Variants in PRICKLE3 observed in about 807,000 individuals in gnomAD.
The protein encoded by PRICKLE3 is prickle planar cell polarity protein 3.
Under a neutral mutation model 33.8 loss-of-function variants are expected in PRICKLE3, and 17 were observed. The ratio of observed to expected loss-of-function variants is 0.50; its 90% CI spans 0.34 to 0.75. PRICKLE3 has a LOEUF of 0.75. Ranked by LOEUF, PRICKLE3 falls within the 30% of genes least tolerant of loss-of-function variation. The pLI, the probability that PRICKLE3 is intolerant of heterozygous loss-of-function variation, is 0.01. For missense variants in PRICKLE3, 573 were observed against 576.7 expected (o/e 0.99, Z 0.07); for synonymous variants, 211 against 219.6 (o/e 0.96, Z 0.34).
chrX:49,181,411 C>T (rs1905187511), intron 3 of PRICKLE3, among the ~76,000 whole-genome samples: 2 of 90,885 alleles, frequency 2.2e-5, no homozygotes, highest in South Asian at 1.1e-3. Context: ...TATATATACA[C>T]GTATAATTAT....
In PRICKLE3 at chrX:49,177,030, C is replaced by T. The variant is rs782099517; in HGVS notation, c.1128G>A (p.Gly376=). ...CGGCACTCCAGCTGCGGCGGCTCGG[C>T]CCTGGAGCTGTGGGCTCGGACCCAA... ...CSLGSEPTAP[G]PSRRSWSAGP... is the part of the protein sequence containing the mutation. Residue 376 remains glycine, a synonymous_variant, in exon 8 of 9, where the codon GGG becomes GGA. Transcript: ENST00000599218. 2.5e-6 allele frequency: 3 copies of T among 1,208,028 alleles called. No homozygotes were observed. Among genetic ancestry groups the T allele is most frequent in the Non-Finnish European group, 3.4e-6 (3 of 893,969 alleles).
chrX:49,177,159 A>G lies in PRICKLE3; in HGVS notation c.999T>C (p.His333=). The change falls in exon 8 of 9, where the codon CAT becomes CAC. Residue 333 remains histidine (H), a synonymous_variant. Coordinates refer to ENST00000599218, the MANE Select transcript of PRICKLE3 (RefSeq NM_006150.5). ...GQMAYEGQHW[H]ASDRCFCCSR... ...TACAGCAGAAGCAGCGGTCTGAGGCATGCCAGTGCTGGCCCTCGTAAGCCA... is the reference window on the plus strand; with the variant it reads ...TACAGCAGAAGCAGCGGTCTGAGGCGTGCCAGTGCTGGCCCTCGTAAGCCA... 8.4e-7 allele frequency: 1 copy of G among 1,193,669 alleles called. No individual in the cohort carries two copies. Among genetic ancestry groups the G allele is most frequent in the African/African-American group, 1.7e-5 (1 of 57,233 alleles).
chrX:49,176,312 G>T, intron 8 of PRICKLE3, 47 bp from the exon 9 acceptor site: 1 of 998,071 alleles, frequency 1.0e-6, no homozygotes, highest in Non-Finnish European at 1.3e-6. Context: ...CCCTCCCACT[G>T]GCCCCCTCCT....
rs1360729359 is a variant in PRICKLE3, at chrX:49,184,571, C to T, written c.128+54G>A. ...GGCGTGGCGTAAGGCTCCTGGATTTCCCCCCGAAGGCGGAGCTCTGACAAA... is the reference window on the plus strand; with the variant it reads ...GGCGTGGCGTAAGGCTCCTGGATTTTCCCCCGAAGGCGGAGCTCTGACAAA... On this transcript the variant is annotated intron_variant, in intron 2 of 8. Coordinates refer to ENST00000599218, the MANE Select transcript of PRICKLE3 (RefSeq NM_006150.5). 11 of 1,023,711 alleles carry T rather than the reference C, an allele frequency of 1.1e-5. No homozygotes were observed. The African/African-American group carries it at 1.4e-4, about 13-fold the overall frequency. The allele number at this position is 1,023,711 out of a possible 1,213,427, so 84.4% of individuals were successfully genotyped here.
At chrX:49,186,195 G>T in intron 1 of PRICKLE3, 61 bp downstream of exon 1, 1 of 1,110,473 alleles carries the variant, frequency 9.0e-7, no homozygotes. Context: ...CCTATCCATT[G>T]CCCCCTTGCC....
chrX:49,183,794 G>A lies in PRICKLE3; in HGVS notation c.252C>T (p.Asp84=), dbSNP rs2065469087. 1 of 1,211,759 alleles carries A rather than the reference G, an allele frequency of 8.3e-7. No homozygotes were observed. Among genetic ancestry groups the A allele is most frequent in the Admixed American group, 2.2e-5 (1 of 46,062 alleles). ...SDFQRHSISD[D]DSGCASEEYA... ...ACTCCTCCGATGCACAGCCTGAGTC[G>A]TCGTCGGAGATGGAGTGGCGCTGGA... Residue 84 remains aspartate, a synonymous_variant, in exon 3 of 9, where the codon GAC becomes GAT. Transcript: ENST00000599218.
intron 1 of PRICKLE3, chrX:49,184,951 A>G: frequency 9.5e-7 from 1 of 1,053,071 alleles, no homozygotes. Context: ...TCCCCTTCCT[A>G]GGCTGGCCTC....
chrX:49,180,640 C>T (rs2147873545), intron 3 of PRICKLE3, among the ~76,000 whole-genome samples: 1 of 111,725 alleles, frequency 9.0e-6, no homozygotes, highest in Non-Finnish European at 1.9e-5. Flanking sequence ...TTCCTTCCAC[C>T]TTATTGGCTG....
At chrX:49,185,626 CT>C (rs1363038854) in intron 1 of PRICKLE3, among the ~76,000 whole-genome samples, 1 of 111,190 alleles carries the variant, frequency 9.0e-6, no homozygotes, top group African/African-American at 3.3e-5. Context: ...GTCGGCCAGG[CT>C]CGGTGGCTCA....
intron 3 of PRICKLE3, among the ~76,000 whole-genome samples, chrX:49,181,367 C>A (rs1602601596): frequency 1.1e-5 from 1 of 89,463 alleles, no homozygotes; most frequent in African/African-American, 4.4e-5. Context: ...GACCCCCCCC[C>A]ATATATATAT....
At chrX:49,184,388 C>T (rs1248473769) in intron 2 of PRICKLE3, among the ~76,000 whole-genome samples, 1 of 111,583 alleles carries the variant, frequency 9.0e-6, no homozygotes, top group Non-Finnish European at 1.9e-5. Flanking sequence ...TGCGACTCCG[C>T]GGCTACGGGA....
chrX:49,177,329 C>T, intron 7 of PRICKLE3, 127 bp from the exon 8 acceptor site: 1 of 709,994 alleles, frequency 1.4e-6, no homozygotes, highest in Non-Finnish European at 2.0e-6. Flanking sequence ...GTGCCTTCCT[C>T]CCTCCTCCAG....
rs781958729 is a variant in PRICKLE3 at position 49,177,216 on chromosome X, C to T, written c.956-14G>A. On this transcript the variant is annotated splice_polypyrimidine_tract_variant and intron_variant, in intron 7 of 8. Transcript: ENST00000599218. ...CTTGGTCCAGGCCTGTGGGGAACGACGAGGGGGAAAAACTGAGGCAGAACC... is the reference window on the plus strand; with the variant it reads ...CTTGGTCCAGGCCTGTGGGGAACGATGAGGGGGAAAAACTGAGGCAGAACC... 3.4e-5 allele frequency: 38 copies of T among 1,128,785 alleles called. No individual in the cohort carries two copies. In the Admixed American group the frequency reaches 7.3e-4, roughly 22 times the overall value. 93.0% of individuals were successfully genotyped at this position (1,128,785 alleles called of 1,213,427 possible).
At chrX:49,185,082 A>G (rs1747502525) in intron 1 of PRICKLE3, among the ~76,000 whole-genome samples, 2 of 108,872 alleles carry the variant, frequency 1.8e-5, no homozygotes, top group South Asian at 7.8e-4. Context: ...CAGAACCCCT[A>G]CTCTGGGCAT....
rs112869292 is a variant in PRICKLE3, at chrX:49,183,579, C to G, written c.312+155G>C. ...CACCCAAGGTATGGGGGGCTGACCA[C>G]TCTTCCATCACAGAGGGGCCAGAAG... On this transcript the variant is annotated intron_variant, in intron 3 of 8. Coordinates refer to ENST00000599218, the MANE Select transcript of PRICKLE3 (RefSeq NM_006150.5). The G allele has an allele frequency of 1.2e-5, 13 of 1,111,107 alleles. No homozygotes were observed. The Admixed American group carries it at 3.8e-4, about 32-fold the overall frequency. The allele number at this position is 1,111,107 out of a possible 1,213,427, so 91.6% of individuals were successfully genotyped here.
rs1303294157 is a variant in PRICKLE3 at position 49,184,682 on chromosome X, C to T, written c.71G>A (p.Gly24Asp). 6.1e-6 allele frequency: 7 copies of T among 1,155,052 alleles called. No individual in the cohort carries two copies. Among genetic ancestry groups the T allele is most frequent in the Non-Finnish European group, 8.1e-6 (7 of 866,247 alleles). The change falls in exon 2 of 9, where the codon GGC becomes GAC. Residue 24 changes from glycine to aspartate, a missense_variant. Physicochemically the swap from Gly to Asp is moderately conservative, Grantham distance 94. Transcript: ENST00000599218. ...APPEAEDPDRGQPCNSCREQC... is the reference protein window; with the variant it reads ...APPEAEDPDRDQPCNSCREQC... ...CTCCCTACAGGAGTTGCAGGGCTGG[C>T]CCCGGTCTGGGTCCTCTGCCTCTGG...
chrX:49,183,891 G>C lies in PRICKLE3; in HGVS notation c.155C>G (p.Pro52Arg). Reference sequence around the variant, plus strand: ...CGCGTGCACTGCATGCTCCTCCCGCGGGCATTTGCAATGCTGGCAGATCTT... The same window carrying C: ...CGCGTGCACTGCATGCTCCTCCCGCCGGCATTTGCAATGCTGGCAGATCTT... ...WRKICQHCKC[P>R]REEHAVHAVP... The change falls in exon 3 of 9, where the codon CCG (proline) becomes CGG (arginine). Residue 52 changes from proline to arginine, a missense_variant. Physicochemically the swap from Pro to Arg is moderately radical, Grantham distance 103 (BLOSUM62 -2). Transcript: ENST00000599218. 1.7e-6 allele frequency: 2 copies of C among 1,208,599 alleles called. No homozygotes were observed.
rs782043321 is a variant in PRICKLE3 at position 49,175,663 on chromosome X, C to T, written c.*10G>A. 5.0e-6 allele frequency: 6 copies of T among 1,195,867 alleles called. No individual in the cohort carries two copies. The highest frequency in any genetic ancestry group is 5.9e-5 in the East Asian group (2 of 33,667). ...CTGGAGAATGGAGCCCCCTCCAGGACGGCCTGCCTTCAAGCCACGATGCAG... is the reference window on the plus strand; with the variant it reads ...CTGGAGAATGGAGCCCCCTCCAGGATGGCCTGCCTTCAAGCCACGATGCAG... On this transcript the variant is annotated 3_prime_UTR_variant, in exon 9 of 9. Coordinates refer to ENST00000599218, the MANE Select transcript of PRICKLE3 (RefSeq NM_006150.5).
At chrX:49,179,529 C>T in intron 4 of PRICKLE3, 141 bp from the exon 5 acceptor site, 2 of 978,234 alleles carry the variant, frequency 2.0e-6, no homozygotes, top group Non-Finnish European at 2.9e-6. Flanking sequence ...ACCTCTTCTT[C>T]CAAGGCCCAG....
Sources: gnomAD v4.1 joint callset for allele counts (sites outside exome capture counted in the v4.1 genomes callset) on GRCh38, gnomAD v4.1.1 for gene constraint, MANE v1.5 for transcripts, NCBI Gene and HGNC (gene_info 2026-07-23, HGNC 2026-07-21) for gene names.